Variants in TMEM131 observed in about 807,000 individuals in gnomAD.
TMEM131 encodes 2610524E03Rik.
Under a neutral mutation model 211.6 loss-of-function variants are expected in TMEM131, and 66 were observed. The ratio of observed to expected loss-of-function variants is 0.31; its 90% confidence interval spans 0.26 to 0.38. The LOEUF (loss-of-function observed/expected upper bound fraction) is 0.38, where lower values mean the gene tolerates loss of function less well. Ranked by LOEUF, TMEM131 falls within the 10% of genes least tolerant of loss-of-function variation. TMEM131 has a pLI of 1.00. For synonymous variants in TMEM131, 844 were observed against 841.3 expected (o/e 1.00, Z -0.06); for missense variants, 2,036 against 2,299.3 (o/e 0.89, Z 2.34).
rs1251540665 is a variant in TMEM131, at chr2:97,792,556, G to C, written c.3974C>G (p.Pro1325Arg). Residue 1325 changes from proline to arginine, a missense_variant, in exon 31 of 41, where the codon CCC (proline) becomes CGC (arginine). Physicochemically the swap from Pro to Arg is moderately radical, Grantham distance 103. Around this residue, in one of 3 missense-constraint regions of TMEM131, gnomAD observed 1,623 missense variants for 1,805.9 expected, o/e 0.90. Transcript: ENST00000186436. ...EPQPERLSPA[P>R]LAHPSHPERA... ...TTCTGGGTGGGAAGGGTGTGCGAGG[G>C]GGGCGGGAGACAGCCTTTCAGGCTG... The C allele has an allele frequency of 1.9e-6, 3 of 1,613,446 alleles. No individual in the cohort carries two copies. The highest frequency in any genetic ancestry group is 3.3e-5 in the Admixed American group (2 of 59,920).
At chr2:97,876,266 C>A (rs183395000) in intron 4 of TMEM131, among the ~76,000 whole-genome samples, 112 of 152,260 alleles carry the variant, frequency 7.4e-4, no homozygotes, top group African/African-American at 2.5e-3. Context: ...CAGCCAAATT[C>A]TATCAGAGGT....
In TMEM131 at chr2:97,801,820, T is replaced by C. The variant is rs1681048669; in HGVS notation, c.2718+75A>G. The stretch of plus-strand genomic sequence containing the variant: ...TTCAGCCAAATTTAAGAGTAGCCAA[T>C]AATTTTCTTTCATATTTATATTGAT... On this transcript the variant is annotated intron_variant, in intron 25 of 40. Transcript: ENST00000186436. The C allele has an allele frequency of 4.4e-6, 5 of 1,124,018 alleles. No homozygotes were observed. In the East Asian group the frequency reaches 1.4e-4, roughly 32 times the overall value. 69.6% of individuals were successfully genotyped at this position (1,124,018 alleles called of 1,614,324 possible).
intron 11 of TMEM131, among the ~76,000 whole-genome samples, chr2:97,831,474 T>G (rs1241380519): frequency 6.6e-6 from 1 of 152,060 alleles, no homozygotes; most frequent in Admixed American, 6.6e-5. Flanking sequence ...ACCAAAACAC[T>G]GGCAGAGTTT....
intron 3 of TMEM131, among the ~76,000 whole-genome samples, chr2:97,895,097 T>A (rs1247311413): frequency 1.3e-5 from 2 of 152,256 alleles, no homozygotes; most frequent in African/African-American, 2.4e-5. Context: ...TTGAATTTTG[T>A]CGAAGGCCTT....
chr2:97,838,888 C>G (rs961851968), intron 7 of TMEM131, among the ~76,000 whole-genome samples: 1 of 152,204 alleles, frequency 6.6e-6, no homozygotes, highest in Non-Finnish European at 1.5e-5. Context: ...CAGTGCTCAT[C>G]TATAGTGCTT....
intron 19 of TMEM131, among the ~76,000 whole-genome samples, chr2:97,806,214 G>A (rs1454396087): frequency 6.6e-6 from 1 of 152,178 alleles, no homozygotes; most frequent in East Asian, 1.9e-4. Context: ...CACATCTTTT[G>A]AAATTATGGG....
rs1178634616 is a variant in TMEM131 at position 97,847,082 on chromosome 2, G to C, written c.484-2821C>G. ...TAGTCCCAGCTACTGGGGGGGGGGG[G>C]GGGGGCCGAGGCAGGAGAGTCGCTT... is the stretch of plus-strand genomic sequence containing the variant. On this transcript the variant is annotated intron_variant, in intron 5 of 40. Coordinates refer to ENST00000186436, the MANE Select transcript of TMEM131 (RefSeq NM_015348.2). Among the ~76,000 whole-genome samples, 10 of 109,434 alleles carry C rather than the reference G, an allele frequency of 9.1e-5. 1 individual carries two copies. Among genetic ancestry groups the C allele is most frequent in the African/African-American group, 1.4e-4 (5 of 35,340 alleles). 71.8% of individuals were successfully genotyped at this position (109,434 alleles called of 152,430 possible). A position where few individuals can be genotyped will look rare whatever the true frequency, so the allele number is the denominator to read the frequency against.
chr2:97,967,105 T>C (rs554984240), intron 1 of TMEM131, among the ~76,000 whole-genome samples: 83 of 152,272 alleles, frequency 5.5e-4, no homozygotes, highest in African/African-American at 1.9e-3. Flanking sequence ...AGTATTGTTT[T>C]GACTCACCAT....
intron 7 of TMEM131, 139 bp downstream of exon 7, chr2:97,841,676 A>G (rs1683203064): frequency 1.0e-6 from 1 of 960,004 alleles, no homozygotes; most frequent in Non-Finnish European, 1.4e-6. Context: ...AAGCTGTACT[A>G]AAAGTAATAC....
intron 19 of TMEM131, among the ~76,000 whole-genome samples, chr2:97,809,059 C>G (rs1681434687): frequency 6.6e-6 from 1 of 152,200 alleles, no homozygotes; most frequent in Non-Finnish European, 1.5e-5. Context: ...TCTATTGTTA[C>G]TTTCATCTGT....
intron 11 of TMEM131, among the ~76,000 whole-genome samples, chr2:97,828,215 C>G (rs1191035583): frequency 6.6e-6 from 1 of 152,024 alleles, no homozygotes. Flanking sequence ...AAATTTTAAG[C>G]TGGAAAGTCA....
intron 30 of TMEM131, 109 bp downstream of exon 30, chr2:97,793,286 A>T: frequency 8.4e-7 from 1 of 1,197,230 alleles, no homozygotes; most frequent in Non-Finnish European, 1.2e-6. Flanking sequence ...AATCAGAATT[A>T]AGATTTTTTT....
At chr2:97,942,351 A>G (rs1439832189) in intron 1 of TMEM131, among the ~76,000 whole-genome samples, 1 of 150,836 alleles carries the variant, frequency 6.6e-6, no homozygotes, top group Non-Finnish European at 1.5e-5. Flanking sequence ...GGGGAGGGAT[A>G]GCATTAGGAG....
chr2:97,988,278 C>G (rs1050641070), intron 1 of TMEM131, among the ~76,000 whole-genome samples: 7 of 152,030 alleles, frequency 4.6e-5, no homozygotes, highest in African/African-American at 1.2e-4. Flanking sequence ...AGAGTTATAC[C>G]CTTTATCTTA....
At chr2:97,780,143 G>A (rs1231675411) in intron 31 of TMEM131, among the ~76,000 whole-genome samples, 1 of 152,126 alleles carries the variant, frequency 6.6e-6, no homozygotes, top group African/African-American at 2.4e-5. Context: ...CTGTGTTGGG[G>A]AATTGCTGGC....
rs370100328 is a variant in TMEM131, at chr2:97,940,535, G to A, written c.188-13048C>T. Reference sequence around the variant, plus strand: ...TAAAAGAGGACACAAACGGCCTGGCGTGGTGGCTCACACCTGTAATCCCAG... The same window carrying A: ...TAAAAGAGGACACAAACGGCCTGGCATGGTGGCTCACACCTGTAATCCCAG... On this transcript the variant is annotated intron_variant, in intron 1 of 40. Transcript: ENST00000186436. Among the ~76,000 whole-genome samples the A allele has an allele frequency of 2.5e-4, 38 of 152,252 alleles. 1 individual carries two copies. The East Asian group carries it at 6.2e-3, about 25-fold the overall frequency.
At chr2:97,930,942 C>T (rs1230699297) in intron 1 of TMEM131, among the ~76,000 whole-genome samples, 1 of 63,378 alleles carries the variant, frequency 1.6e-5, no homozygotes, top group African/African-American at 1.2e-4. Context: ...ATGACACAGA[C>T]ATTATGATCC....
Position 97,779,406 on chromosome 2 carries a change from G to T in TMEM131, c.4145-3388C>A, listed in dbSNP as rs536615695. ...CCACAGGGAGTGGCCTCTGCCTCCC[G>T]CTTGCCCCTGGGTGGGCTGAAGCAG... On this transcript the variant is annotated intron_variant, in intron 31 of 40. Coordinates refer to ENST00000186436, the MANE Select transcript of TMEM131 (RefSeq NM_015348.2). Among the ~76,000 whole-genome samples, 3 of 152,316 alleles carry T rather than the reference G, an allele frequency of 2.0e-5. No individual in the cohort carries two copies. In the East Asian group the frequency reaches 5.8e-4, roughly 29 times the overall value.
rs751846932 is a variant in TMEM131 at position 97,797,378 on chromosome 2, G to A, written c.2857C>T (p.Leu953Phe). The change falls in exon 26 of 41, where the codon CTT (leucine) becomes TTT (phenylalanine). Residue 953 changes from leucine to phenylalanine, a missense_variant. Around this residue, in one of 3 missense-constraint regions of TMEM131, gnomAD observed 1,623 missense variants for 1,805.9 expected, o/e 0.90. Coordinates refer to ENST00000186436, the MANE Select transcript of TMEM131 (RefSeq NM_015348.2). ...TPVHNRTVSS[L>F]IIVRNNLTVM... The stretch of plus-strand genomic sequence containing the variant: ...CACAGAACCTACCTGACTATGATAA[G>A]TGAAGAAACAGTTCTGTTGTGAACT... The A allele has an allele frequency of 6.2e-7, 1 of 1,606,910 alleles. No individual in the cohort carries two copies. Among genetic ancestry groups the A allele is most frequent in the Admixed American group, 1.7e-5 (1 of 59,016 alleles).
Sources: gnomAD v4.1 joint callset for allele counts (sites outside exome capture counted in the v4.1 genomes callset) on GRCh38, gnomAD v4.1.1 for gene constraint, gnomAD v4.1.1 regional missense constraint, MANE v1.5 for transcripts, NCBI Gene and HGNC (gene_info 2026-07-23, HGNC 2026-07-21) for gene names.